Variants in DMXL1 observed in about 807,000 individuals in gnomAD.
The protein encoded by DMXL1 is Dmx like 1.
Under a neutral mutation model 319.2 loss-of-function variants are expected in DMXL1, and 99 were observed. The observed-to-expected ratio is 0.31, with a 90% CI of 0.26 to 0.37. DMXL1 has a LOEUF of 0.37. Among genes scored for constraint, DMXL1 ranks in the 10% least tolerant of loss-of-function variants. The pLI is 1.00. For missense variants in DMXL1, 3,745 were observed against 3,595.6 expected (o/e 1.04, Z -1.06); for synonymous variants, 1,385 against 1,235.2 (o/e 1.12, Z -2.54).
At chr5:119,137,676 C>T (rs1353405724) in intron 13 of DMXL1, among the ~76,000 whole-genome samples, 3 of 152,128 alleles carry the variant, frequency 2.0e-5, no homozygotes, top group African/African-American at 7.2e-5. Context: ...GTCAGTTTCC[C>T]CTGCATGCTT....
intron 32 of DMXL1, among the ~76,000 whole-genome samples, chr5:119,202,524 T>C (rs529941084): frequency 3.0e-4 from 46 of 152,212 alleles, no homozygotes; most frequent in African/African-American, 1.1e-3. Flanking sequence ...ATGCCACATA[T>C]AACTATTTAA....
rs1159629848 is a variant in DMXL1 at position 119,177,413 on chromosome 5, A to T, written c.6815A>T (p.His2272Leu). Residue 2272 changes from histidine (H) to leucine (L), a missense_variant, in exon 27 of 44, where the codon CAT becomes CTT. This residue lies in a region of DMXL1 where 1,382 missense variants were observed against 1,269.5 expected (regional missense o/e 1.09). Coordinates refer to ENST00000539542, the MANE Select transcript of DMXL1 (RefSeq NM_001290321.3). ...GTATATCAGACAGTACTGCTTCCTCATCGACCTTCTTTGAAAACAGGAAGC... is the reference window on the plus strand; with the variant it reads ...GTATATCAGACAGTACTGCTTCCTCTTCGACCTTCTTTGAAAACAGGAAGC... ...GMVYQTVLLP[H>L]RPSLKTGSLD... The T allele has an allele frequency of 2.5e-6, 4 of 1,609,306 alleles. No individual in the cohort carries two copies. Among genetic ancestry groups the T allele is most frequent in the African/African-American group, 1.3e-5 (1 of 74,842 alleles).
chr5:119,130,562 C>G (rs1036060757), intron 10 of DMXL1, among the ~76,000 whole-genome samples: 2 of 152,104 alleles, frequency 1.3e-5, no homozygotes, highest in Non-Finnish European at 2.9e-5. Context: ...AGACTGGTCT[C>G]GAACTCCTGA....
Position 119,133,505 on chromosome 5 carries a change from T to C in DMXL1, c.1581T>C (p.Val527=), listed in dbSNP as rs1386626662. The change falls in exon 12 of 44, where the codon GTT becomes GTC. Residue 527 remains valine, a synonymous_variant. Coordinates refer to ENST00000539542, the MANE Select transcript of DMXL1 (RefSeq NM_001290321.3). ...GMFRQVQVSF[V]SRIPVAFPTG... is the part of the protein sequence containing the mutation. ...TTTCTTGATTCTAGGTGTCCTTTGT[T>C]TCCAGAATTCCAGTAGCTTTCCCCA... is the stretch of plus-strand genomic sequence containing the variant. The C allele has an allele frequency of 6.2e-7, 1 of 1,605,320 alleles. No homozygotes were observed. Among genetic ancestry groups the C allele is most frequent in the African/African-American group, 1.3e-5 (1 of 74,356 alleles).
intron 2 of DMXL1, among the ~76,000 whole-genome samples, chr5:119,099,373 G>A (rs1223147072): frequency 5.3e-5 from 8 of 151,926 alleles, no homozygotes; most frequent in Non-Finnish European, 1.0e-4. Flanking sequence ...ATCATACCCG[G>A]CTAATTTTTG....
chr5:119,095,100 C>T (rs1462866340), intron 1 of DMXL1, among the ~76,000 whole-genome samples: 2 of 152,176 alleles, frequency 1.3e-5, no homozygotes, highest in South Asian at 2.1e-4. Context: ...AGCGACTCAC[C>T]TGTCTTGGCC....
intron 9 of DMXL1, among the ~76,000 whole-genome samples, chr5:119,124,563 CTTTTTT>C (rs34589863): frequency 9.7e-6 from 1 of 102,948 alleles, no homozygotes; most frequent in African/African-American, 3.5e-5. Context: ...ATGGTGATGA[CTTTTTT>C]TTTTTTTTTT....
At position 119,247,253 on chromosome 5, in the gene DMXL1, A is replaced by G. The variant is rs1215901129; in HGVS notation, c.*34A>G. On this transcript the variant is annotated 3_prime_UTR_variant, in exon 44 of 44. Coordinates refer to ENST00000539542, the MANE Select transcript of DMXL1 (RefSeq NM_001290321.3). ...CAATAAGATGTACAATTTATTACCTATATGGAAGTGGCCAACAGATATAAT... is the reference window on the plus strand; with the variant it reads ...CAATAAGATGTACAATTTATTACCTGTATGGAAGTGGCCAACAGATATAAT... 8 of 1,482,804 alleles carry G rather than the reference A, an allele frequency of 5.4e-6. No individual in the cohort carries two copies. The highest frequency in any genetic ancestry group is 1.4e-5 in the African/African-American group (1 of 72,188). 91.9% of individuals were successfully genotyped at this position (1,482,804 alleles called of 1,614,324 possible).
chr5:119,162,347 A>G (rs1292407354), intron 19 of DMXL1, among the ~76,000 whole-genome samples: 2 of 152,200 alleles, frequency 1.3e-5, no homozygotes, highest in African/African-American at 4.8e-5. Flanking sequence ...TGGGGCTTCT[A>G]TAACAAATAT....
chr5:119,190,152 AAG>A (rs1473743987), intron 29 of DMXL1, among the ~76,000 whole-genome samples: 4 of 152,230 alleles, frequency 2.6e-5, no homozygotes, highest in Admixed American at 6.5e-5. Context: ...TATAAGATAA[AAG>A]AGAATTTGCG....
At chr5:119,245,771 C>T (rs1789643005) in intron 43 of DMXL1, among the ~76,000 whole-genome samples, 4 of 152,044 alleles carry the variant, frequency 2.6e-5, no homozygotes, top group Admixed American at 2.6e-4. Flanking sequence ...ATCTCCTGAC[C>T]TTGTGATCCG....
intron 37 of DMXL1, 100 bp from the exon 38 acceptor site, chr5:119,224,609 T>G: frequency 4.5e-6 from 2 of 448,692 alleles, no homozygotes; most frequent in Non-Finnish European, 8.0e-6. Flanking sequence ...TATGAACTCA[T>G]GTAAAAATAA....
chr5:119,225,703 A>G (rs1481404580), intron 38 of DMXL1, among the ~76,000 whole-genome samples: 3 of 152,160 alleles, frequency 2.0e-5, no homozygotes, highest in Non-Finnish European at 1.5e-5. Flanking sequence ...AACAAGGCTC[A>G]AGAGAACCGT....
rs62375069 is a variant in DMXL1, at chr5:119,241,459, C to T, written c.8704+988C>T. On this transcript the variant is annotated intron_variant, in intron 42 of 43. Coordinates refer to ENST00000539542, the MANE Select transcript of DMXL1 (RefSeq NM_001290321.3). ...CTGAGGCAGGAGAATGGTGTGAACC[C>T]GGGAGGCGGAGCTTGCAGTGAGCTG... Among the ~76,000 whole-genome samples the T allele has an allele frequency of 8.8e-3, 1,298 of 147,604 alleles. 5 individuals carry two copies. Among genetic ancestry groups the T allele is most frequent in the Non-Finnish European group, 0.013 (858 of 67,568 alleles).
At chr5:119,166,853 A>AT (rs1201504634) in intron 22 of DMXL1, 72 bp downstream of exon 22, 88 of 1,227,986 alleles carry the variant, frequency 7.2e-5, no homozygotes, top group Non-Finnish European at 9.2e-5. Flanking sequence ...TTAAATTTTT[A>AT]TTTTTTTAAA....
intron 5 of DMXL1, among the ~76,000 whole-genome samples, chr5:119,110,914 G>A (rs574731391): frequency 6.6e-6 from 1 of 152,206 alleles, no homozygotes; most frequent in South Asian, 2.1e-4. Flanking sequence ...TCAGCCTCCT[G>A]AGGCACTGGG....
rs1301705881 is a variant in DMXL1 at position 119,149,950 on chromosome 5, A to G, written c.4123A>G (p.Thr1375Ala). The G allele has an allele frequency of 6.2e-7, 1 of 1,613,772 alleles. No individual in the cohort carries two copies. Residue 1375 changes from threonine (T) to alanine (A), a missense_variant, in exon 18 of 44, where the codon ACA becomes GCA. Thr to Ala is a moderately conservative substitution (Grantham distance 58, BLOSUM62 0). Transcript: ENST00000539542. ...SNHERRLRSL[T>A]ISASGSTTRD... ...TCATGAACGCCGCCTTAGGTCTCTCACAATCAGTGCTAGTGGAAGCACTAC... is the reference window on the plus strand; with the variant it reads ...TCATGAACGCCGCCTTAGGTCTCTCGCAATCAGTGCTAGTGGAAGCACTAC...
Position 119,150,162 on chromosome 5 carries a change from G to A in DMXL1, c.4335G>A (p.Glu1445=), listed in dbSNP as rs1289923338. ...SNQLSKESYD[E]LFQTQLLMTD... ...AATTATCTAAAGAAAGTTATGATGA[G>A]CTTTTTCAGACTCAACTTCTAATGA... The change falls in exon 18 of 44, where the codon GAG becomes GAA. Residue 1445 remains glutamate (E), a synonymous_variant. Transcript: ENST00000539542. The A allele has an allele frequency of 6.2e-7, 1 of 1,613,760 alleles. No individual in the cohort carries two copies. Among genetic ancestry groups the A allele is most frequent in the Admixed American group, 1.7e-5 (1 of 59,948 alleles).
At chr5:119,085,365 TATA>T (rs1160486415) in intron 1 of DMXL1, among the ~76,000 whole-genome samples, 28 of 150,938 alleles carry the variant, frequency 1.9e-4, no homozygotes, top group Non-Finnish European at 2.8e-4. Flanking sequence ...AATAAATAAA[TATA>T]ATAATAATAA....
Sources: gnomAD v4.1 joint callset for allele counts (sites outside exome capture counted in the v4.1 genomes callset) on GRCh38, gnomAD v4.1.1 for gene constraint, gnomAD v4.1.1 regional missense constraint, MANE v1.5 for transcripts, NCBI Gene and HGNC (gene_info 2026-07-23, HGNC 2026-07-21) for gene names.